The following CCDC30 variants were observed in gnomAD, a reference collection of about 807,000 sequenced individuals.
The protein encoded by CCDC30 is coiled-coil domain-containing protein 30.
In CCDC30, 70 loss-of-function variants were observed where a neutral mutation model predicts 100.2. The ratio of observed to expected loss-of-function variants is 0.70; its 90% CI spans 0.58 to 0.85. The LOEUF is 0.85. Ranked by LOEUF, CCDC30 falls within the 40% of genes least tolerant of loss-of-function variation. CCDC30 has a pLI of 0.00. For missense variants in CCDC30, 652 were observed against 771.2 expected, an observed-to-expected ratio of 0.85 and a Z score of 1.83; for synonymous variants, 233 against 269.5, an observed-to-expected ratio of 0.86 and a Z score of 1.33.
intron 7 of CCDC30, among the ~76,000 whole-genome samples, chr1:42,572,957 A>G (rs60114523): frequency 0.14 from 20,645 of 152,130 alleles, 1,535 homozygotes; most frequent in East Asian, 0.17. Flanking sequence ...CTGTTCCATT[A>G]TTCTATTTGT....
intron 9 of CCDC30, among the ~76,000 whole-genome samples, chr1:42,587,655 T>C (rs1408912877): frequency 6.6e-6 from 1 of 152,196 alleles, no homozygotes; most frequent in Non-Finnish European, 1.5e-5. Context: ...ACCTGTTGAT[T>C]TCTCAGAATA....
chr1:42,527,429 T>C (rs1644738733), intron 6 of CCDC30, among the ~76,000 whole-genome samples: 1 of 152,188 alleles, frequency 6.6e-6, no homozygotes, highest in African/African-American at 2.4e-5. Context: ...TAGCTCTCTG[T>C]CCTTAACTTC....
chr1:42,463,516 C>T (rs1331338594), exon 1 of CCDC30: 1 of 152,344 alleles, frequency 6.6e-6, no homozygotes, highest in East Asian at 1.9e-4. Flanking sequence ...GGAACCCCTC[C>T]TGGCCCGGCC....
intron 6 of CCDC30, chr1:42,500,470 G>C (rs1263281475): frequency 1.6e-6 from 1 of 622,218 alleles, no homozygotes; most frequent in Non-Finnish European, 2.9e-6. Flanking sequence ...CTAGAGTGCA[G>C]TGGCGTGATG....
chr1:42,617,508 T>C (rs2148652455), intron 11 of CCDC30, among the ~76,000 whole-genome samples: 1 of 152,316 alleles, frequency 6.6e-6, no homozygotes, highest in African/African-American at 2.4e-5. Context: ...GATTAATTCA[T>C]GCAGAGTCAG....
intron 6 of CCDC30, among the ~76,000 whole-genome samples, chr1:42,551,061 G>A (rs186908764): frequency 6.4e-4 from 97 of 152,262 alleles, no homozygotes; most frequent in Non-Finnish European, 9.4e-4. Context: ...CCATGTTGGT[G>A]TGCTGCCTTG....
chr1:42,482,343 CTA>C (rs1643973691), intron 2 of CCDC30, among the ~76,000 whole-genome samples: 1 of 151,738 alleles, frequency 6.6e-6, no homozygotes, highest in South Asian at 2.1e-4. Flanking sequence ...GGTATTATGA[CTA>C]TGTAAAAATG....
At chr1:42,456,773 G>A in the CCDC30 span, 9 of 1,612,526 alleles carry the variant, frequency 5.6e-6, no homozygotes, top group East Asian at 1.6e-4. Flanking sequence ...TGCAACCTCG[G>A]CCGAGGCCTT....
chr1:42,642,425 A>G (rs772676888), intron 12 of CCDC30, 48 bp from the exon 17 acceptor site: 3 of 1,404,602 alleles, frequency 2.1e-6, no homozygotes, highest in Non-Finnish European at 2.8e-6. Context: ...TCTTAAATTT[A>G]TCATACTTTC....
chr1:42,650,497 A>ATATGTG (rs1181889086), intron 15 of CCDC30, among the ~76,000 whole-genome samples: 4,963 of 136,146 alleles, frequency 0.036, 132 homozygotes, highest in African/African-American at 0.062. Context: ...AAAAATATAT[A>ATATGTG]TGTGTGTGTG....
chr1:42,647,310 A>G (rs1647968059), intron 15 of CCDC30, among the ~76,000 whole-genome samples: 1 of 152,108 alleles, frequency 6.6e-6, no homozygotes, highest in Non-Finnish European at 1.5e-5. Context: ...CAGATAAATT[A>G]GACTACAAGT....
chr1:42,467,317 A>G (rs1479228576), intron 1 of CCDC30, among the ~76,000 whole-genome samples: 2 of 152,238 alleles, frequency 1.3e-5, no homozygotes, highest in African/African-American at 4.8e-5. Context: ...CAGCAGGAAC[A>G]TCAGTTAAGG....
chr1:42,560,527 G>A (rs1189509174), intron 6 of CCDC30, among the ~76,000 whole-genome samples: 1 of 151,912 alleles, frequency 6.6e-6, no homozygotes, highest in African/African-American at 2.4e-5. Flanking sequence ...GCACCACCAT[G>A]CCTGGCTAAT....
intron 11 of CCDC30, among the ~76,000 whole-genome samples, chr1:42,621,886 A>G (rs1396314870): frequency 6.6e-6 from 1 of 152,132 alleles, no homozygotes; most frequent in Non-Finnish European, 1.5e-5. Flanking sequence ...TGCTCAAGCA[A>G]TTCTCCTGCC....
intron 9 of CCDC30, among the ~76,000 whole-genome samples, chr1:42,584,258 A>G (rs1646024748): frequency 6.6e-6 from 1 of 152,212 alleles, no homozygotes; most frequent in Admixed American, 6.5e-5. Context: ...AAGCTACTCT[A>G]TTAAAAATAT....
intron 6 of CCDC30, among the ~76,000 whole-genome samples, chr1:42,511,378 A>T (rs368735764): frequency 2.0e-5 from 3 of 152,260 alleles, no homozygotes; most frequent in Admixed American, 6.5e-5. Flanking sequence ...GGCCCCTTTA[A>T]TGGAGAAAGG....
intron 1 of CCDC30, chr1:42,473,431 CTT>C (rs533619604): frequency 1.5e-4 from 56 of 380,106 alleles, no homozygotes; most frequent in Non-Finnish European, 2.0e-4. Context: ...ACGTGTAGAC[CTT>C]TTTTTTTTTC....
intron 5 of CCDC30, among the ~76,000 whole-genome samples, 198 bp from the exon 6 acceptor site, chr1:42,498,620 T>C (rs188370118): frequency 4.5e-4 from 68 of 152,278 alleles, no homozygotes; most frequent in African/African-American, 1.6e-3. Context: ...TAGGGTACAT[T>C]CCAAGCAGTG....
intron 11 of CCDC30, among the ~76,000 whole-genome samples, chr1:42,624,868 T>A (rs1356613205): frequency 6.6e-6 from 1 of 152,190 alleles, no homozygotes; most frequent in East Asian, 1.9e-4. Context: ...TGTCTTTGTC[T>A]GGTTTTGGTA....
Sources: gnomAD v4.1 joint callset for allele counts (sites outside exome capture counted in the v4.1 genomes callset) on GRCh38, gnomAD v4.1.1 for gene constraint, MANE v1.5 for transcripts, NCBI Gene and HGNC (gene_info 2026-07-23, HGNC 2026-07-21) for gene names.